POU2F2: variants seen among roughly 807,000 people sequenced by gnomAD.
The protein encoded by POU2F2 is POU domain, class 2, transcription factor 2.
In POU2F2, 14 loss-of-function variants were observed where a neutral mutation model predicts 63.5. That is an observed-to-expected ratio of 0.22 (90% CI 0.15 to 0.34). The LOEUF is 0.34. POU2F2 is among the 10% of genes least tolerant of loss of function. POU2F2 has a pLI of 1.00. For synonymous variants in POU2F2, 306 were observed against 348.6 expected (o/e 0.88, Z 1.36); for missense variants, 607 against 815.2 (o/e 0.74, Z 3.11).
Position 42,091,924 on chromosome 19 carries a change from A to T in POU2F2, c.1483T>A (p.Leu495Met). The T allele has an allele frequency of 6.5e-7, 1 of 1,541,150 alleles. No homozygotes were observed. The highest frequency in any genetic ancestry group is 8.7e-7 in the Non-Finnish European group (1 of 1,145,948). ...NPSTGSTMVGLSSGLSPALMS... is the reference protein window; with the variant it reads ...NPSTGSTMVGMSSGLSPALMS... The stretch of plus-strand genomic sequence containing the variant: ...AGGGCTGGACTCAGCCCGGAGCTCA[A>T]CCCCACCATTGTGCTTCTGCAAGAG... Residue 495 changes from leucine (L) to methionine (M), a missense_variant, in exon 14 of 15, where the codon TTG becomes ATG. Around this residue, in one of 7 missense-constraint regions of POU2F2, gnomAD observed 270 missense variants for 307.5 expected, o/e 0.88. Coordinates refer to ENST00000692977, the MANE Select transcript of POU2F2 (RefSeq NM_001394376.1).
At position 42,095,932 on chromosome 19, in the gene POU2F2, G is replaced by A. The variant is rs891504331; in HGVS notation, c.730-3C>T. On this transcript the variant is annotated splice_region_variant and splice_polypyrimidine_tract_variant and intron_variant, in intron 8 of 14. Transcript: ENST00000692977. The surrounding 1 kb of genome is among the most constrained non-coding windows in gnomAD (Gnocchi z 7.1). ...CCCATGGCCAGGCCCACATCACCCT[G>A]GGCCAGTGGGGCGGGGAAGGGCCCG... 3.1e-6 allele frequency: 5 copies of A among 1,612,480 alleles called. No homozygotes were observed. Among genetic ancestry groups the A allele is most frequent in the Admixed American group, 3.3e-5 (2 of 59,948 alleles).
In POU2F2 at chr19:42,169,751, T is replaced by C. The variant is rs2034721657; in HGVS notation, c.-70+6212A>G. 1.3e-5 allele frequency among the ~76,000 whole-genome samples: 2 copies of C among 152,054 alleles called. No individual in the cohort carries two copies. On this transcript the variant is annotated intron_variant, in intron 1 of 6. Coordinates refer to the POU2F2 transcript ENST00000524801. The surrounding 1 kb of genome is among the most constrained non-coding windows in gnomAD (Gnocchi z 4.3). Reference sequence around the variant, plus strand: ...GCGAATGAGTGCGCGCACACGTGTGTGTGTGCGTGTGTGTGTGTGTCGGGG... The same window carrying C: ...GCGAATGAGTGCGCGCACACGTGTGCGTGTGCGTGTGTGTGTGTGTCGGGG...
intron 4 of POU2F2, 63 bp downstream of exon 4, chr19:42,122,063 G>A: frequency 1.3e-6 from 2 of 1,497,296 alleles, no homozygotes; most frequent in Non-Finnish European, 9.3e-7. Context: ...GACTGAGGCA[G>A]GCCTCCTGAG....
rs2034707235 is a variant in POU2F2 at position 42,169,122 on chromosome 19, A to T, written c.-70+6841T>A. Among the ~76,000 whole-genome samples, 1 of 152,032 alleles carries T rather than the reference A, an allele frequency of 6.6e-6. No homozygotes were observed. Among genetic ancestry groups the T allele is most frequent in the Non-Finnish European group, 1.5e-5 (1 of 68,014 alleles). Reference sequence around the variant, plus strand: ...TCTATACACATTTTCACACTTGAACATCTACCTATTTTGTTTTGCTTTAGG... The same window carrying T: ...TCTATACACATTTTCACACTTGAACTTCTACCTATTTTGTTTTGCTTTAGG... On this transcript the variant is annotated intron_variant, in intron 1 of 6. Transcript: ENST00000524801. This position sits in a 1 kb window ranked among gnomAD's most constrained non-coding sequence, Gnocchi z 4.3.
intron 5 of POU2F2, among the ~76,000 whole-genome samples, chr19:42,101,063 G>A (rs562188558): frequency 6.6e-6 from 1 of 152,060 alleles, no homozygotes; most frequent in Non-Finnish European, 1.5e-5. Context: ...ATGCCACTGT[G>A]TCTCTGCACT....
rs779323966 is a variant in POU2F2, at chr19:42,116,916, G to A, written c.369+334C>T. The A allele has an allele frequency of 2.0e-4, 108 of 529,576 alleles. 1 individual carries two copies. Among genetic ancestry groups the A allele is most frequent in the South Asian group, 8.9e-4 (58 of 65,172 alleles). The allele number at this position is 529,576 out of a possible 1,614,324, so 32.8% of individuals were successfully genotyped here. A position where few individuals can be genotyped will look rare whatever the true frequency, so the allele number is the denominator to read the frequency against. On this transcript the variant is annotated intron_variant, in intron 5 of 14. Coordinates refer to ENST00000692977, the MANE Select transcript of POU2F2 (RefSeq NM_001394376.1). ...CGGCAGCGGCGTTAGCGGCAGCGGC[G>A]GCACTGGACTGCTGCACGGCGGCGG...
intron 2 of POU2F2, chr19:42,157,430 C>T (rs1308822540): frequency 6.6e-6 from 1 of 152,292 alleles, no homozygotes; most frequent in Admixed American, 6.5e-5. Context: ...ATGGGTCTCC[C>T]GCCTCTCTGC....
intron 2 of POU2F2, among the ~76,000 whole-genome samples, chr19:42,151,464 G>A (rs550447386): frequency 3.3e-5 from 5 of 152,238 alleles, no homozygotes; most frequent in Admixed American, 6.5e-5. Context: ...CTGGGGGGAC[G>A]CACCTGGGAC....
At chr19:42,127,946 G>T (rs1405749109) in intron 1 of POU2F2, among the ~76,000 whole-genome samples, 1 of 152,002 alleles carries the variant, frequency 6.6e-6, no homozygotes, top group Non-Finnish European at 1.5e-5. Flanking sequence ...CTTTGCCTCT[G>T]CTCGTCTCCC....
At chr19:42,105,429 G>A (rs893272891) in intron 5 of POU2F2, among the ~76,000 whole-genome samples, 6 of 152,072 alleles carry the variant, frequency 3.9e-5, no homozygotes, top group African/African-American at 1.2e-4. Context: ...TAGAAATCAA[G>A]TCTTATTACC....
At chr19:42,159,641 C>A (rs1891207065) in intron 2 of POU2F2, among the ~76,000 whole-genome samples, 1 of 152,180 alleles carries the variant, frequency 6.6e-6, no homozygotes, top group Non-Finnish European at 1.5e-5. Flanking sequence ...CAGAGGTGAG[C>A]AGCAGGAGAA....
rs1164935603 is a variant in POU2F2, at chr19:42,106,088, T to A, written c.370-6267A>T. Among the ~76,000 whole-genome samples the A allele has an allele frequency of 5.3e-5, 8 of 150,702 alleles. No homozygotes were observed. In the East Asian group the frequency reaches 1.4e-3, roughly 26 times the overall value. The stretch of plus-strand genomic sequence containing the variant: ...TTTTTCTTTCTTTTCTTTCTTTCCC[T>A]TCTCTCTCTCTCTTTCTTTCTTTTT... On this transcript the variant is annotated intron_variant, in intron 5 of 14. Transcript: ENST00000692977.
chr19:42,122,011 T>C (rs2032676311), intron 4 of POU2F2, 115 bp downstream of exon 4: 1 of 1,139,274 alleles, frequency 8.8e-7, no homozygotes, highest in Non-Finnish European at 1.3e-6. Context: ...GGGAGGAACC[T>C]CGTTACCAAG....
intron 5 of POU2F2, among the ~76,000 whole-genome samples, chr19:42,114,374 G>A (rs2031568388): frequency 6.6e-6 from 1 of 152,094 alleles, no homozygotes; most frequent in Admixed American, 6.5e-5. Context: ...CTAGAGGTGT[G>A]GACTCCTGGG....
intron 1 of POU2F2, among the ~76,000 whole-genome samples, chr19:42,185,991 G>A (rs1356692920): frequency 6.6e-6 from 1 of 152,152 alleles, no homozygotes; most frequent in Non-Finnish European, 1.5e-5. Flanking sequence ...CTGGGCTCAT[G>A]TTATCCTCCT....
rs1341066642 is a variant in POU2F2, at chr19:42,089,762, G to A, written c.*1495C>T. 6.8e-6 allele frequency: 1 copy of A among 146,684 alleles called. No individual in the cohort carries two copies. Among genetic ancestry groups the A allele is most frequent in the Non-Finnish European group, 1.5e-5 (1 of 66,864 alleles). The allele number at this position is 146,684 out of a possible 1,614,324, so 9.1% of individuals were successfully genotyped here. ...TATATATATATAAATTTTTTTTCTA[G>A]TTTAAATTTATTGTTTGTTTGTTTC... On this transcript the variant is annotated 3_prime_UTR_variant, in exon 15 of 15. Transcript: ENST00000692977.
upstream of POU2F2, chr19:42,177,321 G>A (rs1599723005): frequency 6.5e-6 from 1 of 153,364 alleles, no homozygotes; most frequent in Non-Finnish European, 1.5e-5. Context: ...GCTGCTCCTC[G>A]CCTGAGCTGC....
Position 42,087,090 on chromosome 19 carries a change from T to C in POU2F2, c.*4167A>G, listed in dbSNP as rs993598829. 5.9e-5 allele frequency: 9 copies of C among 151,556 alleles called. No homozygotes were observed. Among genetic ancestry groups the C allele is most frequent in the Non-Finnish European group, 1.0e-4 (7 of 67,900 alleles). The allele number at this position is 151,556 out of a possible 1,614,324, so 9.4% of individuals were successfully genotyped here. ...TTTTTTTATTTTTATTTTTAATTTT[T>C]TTTCACTTTTTTTCCAACATATAAA... On this transcript the variant is annotated 3_prime_UTR_variant, in exon 15 of 15. Transcript: ENST00000692977.
chr19:42,126,092 G>A (rs1040966246), intron 1 of POU2F2, among the ~76,000 whole-genome samples: 19 of 152,138 alleles, frequency 1.2e-4, no homozygotes, highest in African/African-American at 3.6e-4. Flanking sequence ...CTTTAAAGAC[G>A]TAATTAAGGT....
Sources: gnomAD v4.1 joint callset for allele counts (sites outside exome capture counted in the v4.1 genomes callset) on GRCh38, gnomAD v4.1.1 for gene constraint, gnomAD v4.1.1 regional missense constraint, Gnocchi (gnomAD v3.1) non-coding constraint, MANE v1.5 for transcripts, NCBI Gene and HGNC (gene_info 2026-07-23, HGNC 2026-07-21) for gene names.